The following SLC7A1 variants were observed in gnomAD, a reference collection of about 807,000 sequenced individuals.
SLC7A1 encodes the protein high affinity cationic amino acid transporter 1.
Under a neutral mutation model 53.9 loss-of-function variants are expected in SLC7A1, and 10 were observed. That is an observed-to-expected ratio of 0.19 (90% confidence interval 0.11 to 0.31). SLC7A1 has a LOEUF of 0.31. Ranked by LOEUF, SLC7A1 falls within the 10% of genes least tolerant of loss-of-function variation. SLC7A1 has a pLI of 1.00. For missense variants in SLC7A1, 525 were observed against 827.2 expected (o/e 0.63, Z 4.48); for synonymous variants, 342 against 338.7 (o/e 1.01, Z -0.11).
chr13:29,535,149 G>A (rs1869348833), intron 3 of SLC7A1, among the ~76,000 whole-genome samples: 1 of 152,118 alleles, frequency 6.6e-6, no homozygotes, highest in Admixed American at 6.5e-5. Flanking sequence ...AAGAATCATG[G>A]CTAAGCCCAA....
intron 1 of SLC7A1, among the ~76,000 whole-genome samples, chr13:29,590,991 T>C (rs1329163281): frequency 6.6e-6 from 1 of 152,090 alleles, no homozygotes; most frequent in African/African-American, 2.4e-5. Flanking sequence ...ACACCTATGG[T>C]TCCAGGTACC....
chr13:29,537,059 C>T (rs577480692), intron 2 of SLC7A1, among the ~76,000 whole-genome samples: 5 of 152,264 alleles, frequency 3.3e-5, no homozygotes, highest in African/African-American at 9.6e-5. Context: ...CGACCAGATG[C>T]GACAGGTGAG....
In SLC7A1 at chr13:29,516,127, GC is replaced by G; in HGVS notation, c.1786+10del. 1 of 1,559,298 alleles carries G rather than the reference GC, an allele frequency of 6.4e-7. No homozygotes were observed. Among genetic ancestry groups the G allele is most frequent in the Non-Finnish European group, 8.8e-7 (1 of 1,132,202 alleles). Reference sequence around the variant, plus strand: ...CAGGATCTTGGACGTGCTGGCAGCAGCATCACATACCTATCAGCATCCACAC... The same window carrying G: ...CAGGATCTTGGACGTGCTGGCAGCAGATCACATACCTATCAGCATCCACAC... On this transcript the variant is annotated intron_variant, in intron 12 of 12. Coordinates refer to ENST00000380752, the MANE Select transcript of SLC7A1 (RefSeq NM_003045.5).
chr13:29,535,787 G>C (rs1362451110), intron 3 of SLC7A1, 32 bp downstream of exon 3: 2 of 1,591,182 alleles, frequency 1.3e-6, no homozygotes, highest in Admixed American at 1.7e-5. Context: ...AAAAGTGGTA[G>C]AGGGCACGAG....
chr13:29,516,418 C>A (rs1160583907), intron 11 of SLC7A1, among the ~76,000 whole-genome samples, 172 bp from the exon 12 acceptor site: 1 of 152,152 alleles, frequency 6.6e-6, no homozygotes, highest in East Asian at 1.9e-4. Flanking sequence ...ACAGCCCGCA[C>A]CCAAACACAC....
chr13:29,533,224 G>C (rs529770032), intron 3 of SLC7A1, among the ~76,000 whole-genome samples: 1 of 152,202 alleles, frequency 6.6e-6, no homozygotes, highest in South Asian at 2.1e-4. Flanking sequence ...ATACACAGGT[G>C]TATTCTATCA....
intron 1 of SLC7A1, among the ~76,000 whole-genome samples, chr13:29,590,988 T>A (rs1212234051): frequency 1.3e-5 from 2 of 152,130 alleles, no homozygotes; most frequent in Non-Finnish European, 2.9e-5. Context: ...TACACACCTA[T>A]GGTTCCAGGT....
At chr13:29,561,296 C>T (rs527443943) in intron 1 of SLC7A1, among the ~76,000 whole-genome samples, 7 of 152,268 alleles carry the variant, frequency 4.6e-5, no homozygotes, top group African/African-American at 1.4e-4. Flanking sequence ...AGGAGGTCGA[C>T]GTCACAGTTA....
chr13:29,518,595 T>C lies in SLC7A1; in HGVS notation c.1293-805A>G, dbSNP rs1463246460. 2.0e-5 allele frequency among the ~76,000 whole-genome samples: 3 copies of C among 152,164 alleles called. No individual in the cohort carries two copies. The East Asian group carries it at 5.8e-4, about 29-fold the overall frequency. On this transcript the variant is annotated intron_variant, in intron 9 of 12. Coordinates refer to ENST00000380752, the MANE Select transcript of SLC7A1 (RefSeq NM_003045.5). ...GAGACCTCAGAGAATATTCTAGCAT[T>C]GGGCCCCTTGGGAGGAATAAGGGGT...
chr13:29,534,523 C>T lies in SLC7A1; in HGVS notation c.370+1296G>A, dbSNP rs563503636. 4.6e-5 allele frequency among the ~76,000 whole-genome samples: 7 copies of T among 152,346 alleles called. No individual in the cohort carries two copies. In the South Asian group the frequency reaches 1.5e-3, roughly 32 times the overall value. On this transcript the variant is annotated intron_variant, in intron 3 of 12. Transcript: ENST00000380752. Reference sequence around the variant, plus strand: ...AACCCAGAAGACTAAGCTATGTTGGCTCTCAGCAGATACTGCAGCTGCTGG... The same window carrying T: ...AACCCAGAAGACTAAGCTATGTTGGTTCTCAGCAGATACTGCAGCTGCTGG...
intron 1 of SLC7A1, among the ~76,000 whole-genome samples, chr13:29,572,363 T>TA (rs879904873): frequency 1.3e-5 from 2 of 152,052 alleles, no homozygotes; most frequent in African/African-American, 2.4e-5. Context: ...AGGCGCCACC[T>TA]AAAGGGGCAG....
At chr13:29,550,479 A>G (rs1457590596) in intron 2 of SLC7A1, among the ~76,000 whole-genome samples, 1 of 152,250 alleles carries the variant, frequency 6.6e-6, no homozygotes, top group Admixed American at 6.5e-5. Context: ...TGAGACAAGC[A>G]GCCATGCTGG....
chr13:29,575,742 T>C (rs1186321672), intron 1 of SLC7A1, among the ~76,000 whole-genome samples: 1 of 152,216 alleles, frequency 6.6e-6, no homozygotes, highest in Non-Finnish European at 1.5e-5. Context: ...ATGTAGTCTA[T>C]TTTCAATACA....
intron 1 of SLC7A1, among the ~76,000 whole-genome samples, chr13:29,569,114 T>G (rs944018645): frequency 1.3e-5 from 2 of 152,168 alleles, no homozygotes; most frequent in African/African-American, 4.8e-5. Context: ...CTCTGCCCCA[T>G]GTCTGAAATC....
chr13:29,581,505 C>T (rs936798512), intron 1 of SLC7A1, among the ~76,000 whole-genome samples: 6 of 152,200 alleles, frequency 3.9e-5, no homozygotes, highest in African/African-American at 9.7e-5. Flanking sequence ...TTCAGCACCC[C>T]GTTACCTTTA....
intron 1 of SLC7A1, among the ~76,000 whole-genome samples, chr13:29,566,262 A>T (rs1321844356): frequency 6.6e-6 from 1 of 152,276 alleles, no homozygotes; most frequent in Admixed American, 6.5e-5. Flanking sequence ...ACAATACAGC[A>T]ATTCCATTAA....
intron 1 of SLC7A1, among the ~76,000 whole-genome samples, chr13:29,555,903 C>T (rs1279204762): frequency 6.6e-6 from 1 of 152,122 alleles, no homozygotes; most frequent in African/African-American, 2.4e-5. Flanking sequence ...CCACGTAATT[C>T]AGTAAAACAG....
intron 1 of SLC7A1, among the ~76,000 whole-genome samples, chr13:29,581,414 C>T (rs1190864380): frequency 6.6e-6 from 1 of 152,204 alleles, no homozygotes; most frequent in Non-Finnish European, 1.5e-5. Context: ...CTGAAGTAAA[C>T]ATAGGTCAGA....
intron 1 of SLC7A1, among the ~76,000 whole-genome samples, chr13:29,557,258 A>G (rs1053628481): frequency 1.3e-5 from 2 of 152,206 alleles, no homozygotes; most frequent in African/African-American, 4.8e-5. Context: ...TGGGGACTAT[A>G]AAAGTGTGAT....
Sources: gnomAD v4.1 joint callset for allele counts (sites outside exome capture counted in the v4.1 genomes callset) on GRCh38, gnomAD v4.1.1 for gene constraint, MANE v1.5 for transcripts, NCBI Gene and HGNC (gene_info 2026-07-23, HGNC 2026-07-21) for gene names.